Variants in PODN observed in about 807,000 individuals in gnomAD.
PODN encodes the protein podocan proteoglycan.
A neutral mutation model predicts 52.7 loss-of-function variants in PODN; 40 were observed. That is an observed-to-expected ratio of 0.76 (90% CI 0.59 to 0.99). PODN has a LOEUF of 0.99. Ranked by LOEUF, PODN falls within the 50% of genes least tolerant of loss-of-function variation. The pLI is 0.00. For missense variants in PODN, 720 were observed against 815.1 expected (o/e 0.88, Z 1.42); for synonymous variants, 396 against 377.9 (o/e 1.05, Z -0.56).
chr1:53,083,765 C>T (rs1318113537), intron 10 of PODN, among the ~76,000 whole-genome samples: 1 of 151,966 alleles, frequency 6.6e-6, no homozygotes, highest in Non-Finnish European at 1.5e-5. Flanking sequence ...GAAGGAGGTG[C>T]AGATAGGAGG....
At position 53,078,280 on chromosome 1, in the gene PODN, C is replaced by T. The variant is rs1261992696; in HGVS notation, c.855-85C>T. 6.5e-6 allele frequency: 9 copies of T among 1,392,730 alleles called. No homozygotes were observed. In the African/African-American group the frequency reaches 1.3e-4, roughly 20 times the overall value. The allele number at this position is 1,392,730 out of a possible 1,614,324, so 86.3% of individuals were successfully genotyped here. A position where few individuals can be genotyped will look rare whatever the true frequency, so the allele number is the denominator to read the frequency against. ...GAGCTGGGAGGAGCTAGTGGCAATT[C>T]CCCAGCCACATCTCTTGGGAATCAT... On this transcript the variant is annotated intron_variant, in intron 7 of 10. Transcript: ENST00000312553.
intron 3 of PODN, among the ~76,000 whole-genome samples, chr1:53,074,031 T>G (rs1296377291): frequency 2.0e-5 from 3 of 152,252 alleles, no homozygotes; most frequent in Non-Finnish European, 2.9e-5. Flanking sequence ...ACATGCCAGT[T>G]TATATAACTG....
At chr1:53,083,823 C>T (rs1012384695) in intron 10 of PODN, among the ~76,000 whole-genome samples, 3 of 151,870 alleles carry the variant, frequency 2.0e-5, no homozygotes, top group East Asian at 1.9e-4. Flanking sequence ...GAGCCAGGAG[C>T]GGCTGTGTGG....
intron 3 of PODN, chr1:53,073,115 G>C (rs187805202): frequency 4.5e-6 from 1 of 224,560 alleles, no homozygotes; most frequent in East Asian, 1.1e-4. Flanking sequence ...TCCTTCTAAG[G>C]CTTAGGATTT....
intron 5 of PODN, among the ~76,000 whole-genome samples, chr1:53,076,974 C>T (rs1557654318): frequency 6.6e-6 from 1 of 152,224 alleles, no homozygotes; most frequent in Non-Finnish European, 1.5e-5. Context: ...TCCTATTTCT[C>T]CCGCTAGCTT....
chr1:53,064,659 C>A (rs1644006660), intron 1 of PODN, among the ~76,000 whole-genome samples: 1 of 152,168 alleles, frequency 6.6e-6, no homozygotes, highest in African/African-American at 2.4e-5. Flanking sequence ...TGGTAGTGGT[C>A]AGGGGAGACA....
At chr1:53,078,229 T>TGAGG in intron 7 of PODN, 136 bp from the exon 8 acceptor site, 1 of 882,664 alleles carries the variant, frequency 1.1e-6, no homozygotes, top group Non-Finnish European at 1.7e-6. Flanking sequence ...GAGCAAGGAC[T>TGAGG]GAGGGCCCAC....
At chr1:53,065,467 T>C (rs953419080) in intron 1 of PODN, among the ~76,000 whole-genome samples, 22 of 152,300 alleles carry the variant, frequency 1.4e-4, no homozygotes, top group African/African-American at 5.1e-4. Context: ...CTCACAGCCC[T>C]GAGAGTGGCT....
Position 53,071,531 on chromosome 1 carries a change from CT to C in PODN, c.313-3del, listed in dbSNP as rs1254217614. 1.9e-6 allele frequency: 3 copies of C among 1,612,928 alleles called. No individual in the cohort carries two copies. Among genetic ancestry groups the C allele is most frequent in the African/African-American group, 2.7e-5 (2 of 74,840 alleles). On this transcript the variant is annotated splice_region_variant and splice_polypyrimidine_tract_variant and intron_variant, in intron 2 of 10. Transcript: ENST00000312553. Reference sequence around the variant, plus strand: ...TGCTTCCTTGCGGCCCCCTACCCCCCTAGAACAACCAGCTGGAAAAGATCTA... The same window carrying C: ...TGCTTCCTTGCGGCCCCCTACCCCCCAGAACAACCAGCTGGAAAAGATCTA...
chr1:53,079,618 T>C (rs1337837085), intron 8 of PODN, among the ~76,000 whole-genome samples: 2 of 152,146 alleles, frequency 1.3e-5, no homozygotes, highest in Non-Finnish European at 2.9e-5. Context: ...GTGGCTGCTG[T>C]GACCACATGG....
intron 8 of PODN, among the ~76,000 whole-genome samples, chr1:53,079,999 TAAAAAA>T (rs5774134): frequency 1.9e-5 from 2 of 106,150 alleles, no homozygotes; most frequent in Non-Finnish European, 3.6e-5. Flanking sequence ...TGTCTCAAAT[TAAAAAA>T]AAAAAAAAAA....
Position 53,071,516 on chromosome 1 carries a change from C to A in PODN, c.313-19C>A, listed in dbSNP as rs375360473. On this transcript the variant is annotated intron_variant, in intron 2 of 10. Transcript: ENST00000312553. ...CCACTAGGCTGATGCTGCTTCCTTG[C>A]GGCCCCCTACCCCCCTAGAACAACC... 2.5e-6 allele frequency: 4 copies of A among 1,600,244 alleles called. No individual in the cohort carries two copies. The South Asian group carries it at 3.3e-5, about 13-fold the overall frequency.
intron 1 of PODN, among the ~76,000 whole-genome samples, chr1:53,062,658 C>T (rs1643974750): frequency 6.6e-6 from 1 of 152,090 alleles, no homozygotes; most frequent in Non-Finnish European, 1.5e-5. Flanking sequence ...ATGTGGGGGG[C>T]AGGTGGAACT....
At chr1:53,080,954 G>T in intron 9 of PODN, 78 bp downstream of exon 9, 1 of 1,554,874 alleles carries the variant, frequency 6.4e-7, no homozygotes. Context: ...ATGCACGTGG[G>T]AACAGCTTGG....
At chr1:53,063,614 C>T in intron 1 of PODN, 1 of 980,112 alleles carries the variant, frequency 1.0e-6, no homozygotes, top group Non-Finnish European at 1.2e-6. Flanking sequence ...GGGGGGACTG[C>T]TCTGGGGGTT....
At chr1:53,080,985 C>A (rs1392690663) in intron 9 of PODN, 109 bp downstream of exon 9, 24 of 1,419,092 alleles carry the variant, frequency 1.7e-5, no homozygotes, top group African/African-American at 2.8e-5. Flanking sequence ...GCCTGTGTAA[C>A]CACGGCTCAG....
intron 3 of PODN, among the ~76,000 whole-genome samples, chr1:53,072,026 A>G (rs1281339671): frequency 6.6e-6 from 1 of 151,772 alleles, no homozygotes; most frequent in Non-Finnish European, 1.5e-5. Flanking sequence ...GTCATTCATC[A>G]ATTCCATTAC....
chr1:53,080,910 C>G, intron 9 of PODN, 34 bp downstream of exon 9: 1 of 1,609,138 alleles, frequency 6.2e-7, no homozygotes, highest in Non-Finnish European at 8.5e-7. Flanking sequence ...TACACACCCC[C>G]GTGGGGCCCA....
At chr1:53,077,470 G>A (rs1397220842) in intron 6 of PODN, 124 bp downstream of exon 6, 1 of 1,421,782 alleles carries the variant, frequency 7.0e-7, no homozygotes, top group African/African-American at 1.4e-5. Flanking sequence ...GGGCCCCGGG[G>A]CTGACAGCAA....
Sources: allele counts gnomAD v4.1 joint callset (sites outside exome capture counted in the v4.1 genomes callset), GRCh38; gene constraint gnomAD v4.1.1; transcripts MANE v1.5; gene names NCBI Gene and HGNC (gene_info 2026-07-23, HGNC 2026-07-21).